Variants in STAU2 observed in about 807,000 individuals in gnomAD.
STAU2 encodes double-stranded RNA-binding protein Staufen homolog 2.
Under a neutral mutation model 65.9 loss-of-function variants are expected in STAU2, and 20 were observed. That is an observed-to-expected ratio of 0.30 (90% CI 0.21 to 0.44). The LOEUF (loss-of-function observed/expected upper bound fraction) is 0.44, where lower values mean the gene tolerates loss of function less well. Ranked by LOEUF, STAU2 falls within the 20% of genes least tolerant of loss-of-function variation. The pLI is 1.00. For synonymous variants in STAU2, 232 were observed against 233.9 expected (o/e 0.99, Z 0.07); for missense variants, 558 against 683.9 (o/e 0.82, Z 2.05).
intron 13 of STAU2, among the ~76,000 whole-genome samples, chr8:73,542,586 G>A (rs1806611909): frequency 6.6e-6 from 1 of 152,118 alleles, no homozygotes; most frequent in Non-Finnish European, 1.5e-5. Context: ...TAATGCAAAT[G>A]ACTTATGGCC....
intron 12 of STAU2, among the ~76,000 whole-genome samples, chr8:73,567,847 C>A (rs1010031365): frequency 6.7e-6 from 1 of 148,886 alleles, no homozygotes; most frequent in South Asian, 2.3e-4. Context: ...TTTTCTTACT[C>A]GCTGGGGGGG....
intron 3 of STAU2, among the ~76,000 whole-genome samples, chr8:73,732,371 C>A (rs114951552): frequency 0.013 from 1,908 of 152,306 alleles, 41 homozygotes; most frequent in African/African-American, 0.043. Context: ...CTGTTACATT[C>A]TATTGGTTCC....
intron 9 of STAU2, among the ~76,000 whole-genome samples, chr8:73,605,402 G>C (rs1052488228): frequency 6.8e-6 from 1 of 147,456 alleles, no homozygotes; most frequent in Non-Finnish European, 1.5e-5. Flanking sequence ...TCTGTATCCT[G>C]GGTTCAAGCG....
At chr8:73,669,809 G>A (rs370119477) in intron 6 of STAU2, among the ~76,000 whole-genome samples, 130 of 152,230 alleles carry the variant, frequency 8.5e-4, no homozygotes, top group African/African-American at 3.0e-3. Context: ...ATTAGTGTCT[G>A]ACTTTTCATT....
At chr8:73,643,623 G>A (rs1173864769) in intron 6 of STAU2, among the ~76,000 whole-genome samples, 1 of 152,156 alleles carries the variant, frequency 6.6e-6, no homozygotes, top group Non-Finnish European at 1.5e-5. Flanking sequence ...CATCAAGCAA[G>A]ATCAACATAC....
At chr8:73,746,734 G>A in intron 1 of STAU2, 49 bp downstream of exon 1, 2 of 1,137,854 alleles carry the variant, frequency 1.8e-6, no homozygotes, top group Non-Finnish European at 2.2e-6. Flanking sequence ...TTCTTCGCCG[G>A]CGGCGCGGAA....
At chr8:73,651,983 G>C (rs1458275257) in intron 6 of STAU2, among the ~76,000 whole-genome samples, 1 of 152,178 alleles carries the variant, frequency 6.6e-6, no homozygotes, top group African/African-American at 2.4e-5. Context: ...CAAAAGGGTT[G>C]GTTTAGGAAG....
chr8:73,558,235 T>C (rs1586001246), intron 12 of STAU2, among the ~76,000 whole-genome samples: 1 of 152,204 alleles, frequency 6.6e-6, no homozygotes, highest in Non-Finnish European at 1.5e-5. Flanking sequence ...TTTGCCCAGA[T>C]TGGTTCCAAG....
intron 3 of STAU2, among the ~76,000 whole-genome samples, chr8:73,735,981 A>C (rs1482938805): frequency 1.3e-5 from 2 of 152,238 alleles, no homozygotes; most frequent in African/African-American, 2.4e-5. Flanking sequence ...CTTCACAGCT[A>C]TAACAGTTTG....
intron 2 of STAU2, among the ~76,000 whole-genome samples, chr8:73,739,104 G>A (rs1011366903): frequency 2.6e-5 from 4 of 151,788 alleles, no homozygotes; most frequent in Non-Finnish European, 2.9e-5. Flanking sequence ...ATGGTGGCGC[G>A]TGCCTGTAAT....
chr8:73,449,275 A>G (rs1463160669), intron 13 of STAU2, among the ~76,000 whole-genome samples: 1 of 152,208 alleles, frequency 6.6e-6, no homozygotes, highest in East Asian at 1.9e-4. Flanking sequence ...GTCCAAGAGC[A>G]GGCATCAGGA....
intron 6 of STAU2, among the ~76,000 whole-genome samples, chr8:73,628,036 T>C (rs1276042454): frequency 6.6e-6 from 1 of 152,120 alleles, no homozygotes; most frequent in Non-Finnish European, 1.5e-5. Flanking sequence ...TGTTCACACA[T>C]ATACTCTGCA....
chr8:73,629,835 T>A (rs149979920), intron 6 of STAU2, among the ~76,000 whole-genome samples: 1 of 152,172 alleles, frequency 6.6e-6, no homozygotes, highest in Non-Finnish European at 1.5e-5. Flanking sequence ...CGTGCGATTA[T>A]GCCTCACTGC....
chr8:73,604,587 C>G (rs532590416), intron 9 of STAU2, among the ~76,000 whole-genome samples: 3 of 152,086 alleles, frequency 2.0e-5, no homozygotes, highest in Middle Eastern at 3.4e-3. Context: ...TTTTTTAAGA[C>G]CCCTAAAAAG....
rs1482100252 is a variant in STAU2, at chr8:73,697,995, G to A, written c.115-9182C>T. On this transcript the variant is annotated intron_variant, in intron 4 of 14. Coordinates refer to ENST00000524300, the MANE Select transcript of STAU2 (RefSeq NM_001164380.2). ...CTTGGGAGGCTGAGGCATGAGAATC[G>A]CTTGAACCTGGGAGGCAGAGATTGC... 2.6e-5 allele frequency among the ~76,000 whole-genome samples: 4 copies of A among 152,062 alleles called. No homozygotes were observed. The East Asian group carries it at 5.8e-4, about 22-fold the overall frequency.
intron 13 of STAU2, among the ~76,000 whole-genome samples, chr8:73,448,869 G>T (rs913941410): frequency 6.6e-6 from 1 of 152,266 alleles, no homozygotes; most frequent in Non-Finnish European, 1.5e-5. Context: ...GGTCCCTGCC[G>T]TGGGCGCTAG....
At chr8:73,502,717 T>A (rs1004105533) in intron 13 of STAU2, among the ~76,000 whole-genome samples, 2 of 152,092 alleles carry the variant, frequency 1.3e-5, no homozygotes. Flanking sequence ...TCCTTAAGCA[T>A]TTTGCTTATA....
intron 5 of STAU2, among the ~76,000 whole-genome samples, chr8:73,681,609 A>G (rs1818439946): frequency 6.6e-6 from 1 of 151,986 alleles, no homozygotes; most frequent in Non-Finnish European, 1.5e-5. Context: ...CAATGGATAG[A>G]ATAGTACCTC....
At chr8:73,461,919 TC>T (rs1819372143) in intron 13 of STAU2, among the ~76,000 whole-genome samples, 1 of 152,160 alleles carries the variant, frequency 6.6e-6, no homozygotes. Flanking sequence ...TTCACCTTTG[TC>T]AATCCGATCT....
Sources: allele counts gnomAD v4.1 joint callset (sites outside exome capture counted in the v4.1 genomes callset), GRCh38; gene constraint gnomAD v4.1.1; transcripts MANE v1.5; gene names NCBI Gene and HGNC (gene_info 2026-07-23, HGNC 2026-07-21).